Variants in SLC36A4 observed in about 807,000 individuals in gnomAD.
SLC36A4 encodes the protein solute carrier family 36 member 4.
Under a neutral mutation model 50.5 loss-of-function variants are expected in SLC36A4, and 49 were observed. The observed-to-expected ratio is 0.97, with a 90% CI of 0.77 to 1.23. The LOEUF (loss-of-function observed/expected upper bound fraction) is 1.23. Ranked by LOEUF, SLC36A4 falls within the 50% of genes most tolerant of loss-of-function variation. The pLI is 0.00. For missense variants in SLC36A4, 611 were observed against 608.4 expected, an observed-to-expected ratio of 1.00 and a Z score of -0.05; for synonymous variants, 207 against 206.5, an observed-to-expected ratio of 1.00 and a Z score of -0.02.
intron 9 of SLC36A4, among the ~76,000 whole-genome samples, chr11:93,159,367 C>A (rs1860517435): frequency 6.6e-6 from 1 of 152,126 alleles, no homozygotes; most frequent in Admixed American, 6.6e-5. Flanking sequence ...AGTCAACCTT[C>A]AGGTATGAAT....
chr11:93,183,321 C>A (rs926359255), intron 3 of SLC36A4, among the ~76,000 whole-genome samples: 1 of 152,122 alleles, frequency 6.6e-6, no homozygotes, highest in Admixed American at 6.5e-5. Context: ...TGGGTACTTA[C>A]TATGTGTCAG....
chr11:93,188,591 GT>G (rs1862086705), intron 1 of SLC36A4, among the ~76,000 whole-genome samples: 1 of 152,064 alleles, frequency 6.6e-6, no homozygotes, highest in South Asian at 2.1e-4. Context: ...TTGTTTTCCA[GT>G]TTCAAAGGTG....
At chr11:93,194,422 T>G (rs1862337978) in intron 1 of SLC36A4, among the ~76,000 whole-genome samples, 1 of 152,110 alleles carries the variant, frequency 6.6e-6, no homozygotes, top group African/African-American at 2.4e-5. Context: ...TTTTGTTCAT[T>G]TCTGAGGTGG....
intron 6 of SLC36A4, among the ~76,000 whole-genome samples, chr11:93,172,749 T>C (rs1861233857): frequency 7.7e-6 from 1 of 130,140 alleles, no homozygotes; most frequent in African/African-American, 2.9e-5. Flanking sequence ...TCCAATTTCA[T>C]CCATGTCCCT....
intron 1 of SLC36A4, among the ~76,000 whole-genome samples, chr11:93,188,547 C>G (rs1243249705): frequency 6.6e-6 from 1 of 152,146 alleles, no homozygotes; most frequent in African/African-American, 2.4e-5. Context: ...TTAGGACATT[C>G]TCCATACATT....
At chr11:93,174,146 T>C (rs1565228703) in intron 6 of SLC36A4, among the ~76,000 whole-genome samples, 1 of 150,340 alleles carries the variant, frequency 6.7e-6, no homozygotes, top group African/African-American at 2.4e-5. Flanking sequence ...GTAGTTCTCC[T>C]TGAAGAGGTC....
chr11:93,172,632 T>TC (rs1313860906), intron 6 of SLC36A4, among the ~76,000 whole-genome samples: 1 of 147,414 alleles, frequency 6.8e-6, no homozygotes, highest in Non-Finnish European at 1.5e-5. Flanking sequence ...AGTGTGATAT[T>TC]CCCCTTCCTG....
intron 6 of SLC36A4, among the ~76,000 whole-genome samples, chr11:93,179,326 G>C (rs1196573020): frequency 6.6e-6 from 1 of 152,184 alleles, no homozygotes; most frequent in Non-Finnish European, 1.5e-5. Flanking sequence ...GAACACAAGA[G>C]ATATGGGAGT....
intron 1 of SLC36A4, chr11:93,192,948 T>C (rs1184864640): frequency 6.5e-6 from 1 of 154,996 alleles, no homozygotes; most frequent in African/African-American, 2.4e-5. Context: ...GAAGTTATTA[T>C]ATATATTACA....
chr11:93,153,394 T>C (rs760898154), intron 10 of SLC36A4, among the ~76,000 whole-genome samples: 7 of 152,020 alleles, frequency 4.6e-5, no homozygotes, highest in Non-Finnish European at 8.8e-5. Context: ...TCTAACCCCA[T>C]CAAAATGCCA....
chr11:93,159,987 T>G, intron 9 of SLC36A4: 1 of 985,438 alleles, frequency 1.0e-6, no homozygotes, highest in Non-Finnish European at 1.2e-6. Flanking sequence ...TAGAGTACAC[T>G]GCACAATCTC....
At chr11:93,186,397 C>T (rs1861983127) in intron 1 of SLC36A4, among the ~76,000 whole-genome samples, 1 of 152,068 alleles carries the variant, frequency 6.6e-6, no homozygotes. Context: ...TCAGTTATAC[C>T]AATAAATTCC....
chr11:93,172,032 C>A (rs941694599), intron 6 of SLC36A4: 2 of 152,068 alleles, frequency 1.3e-5, no homozygotes, highest in African/African-American at 4.8e-5. Flanking sequence ...TATGAGGGAA[C>A]ACCTGTGTCT....
intron 8 of SLC36A4, among the ~76,000 whole-genome samples, chr11:93,164,225 TA>T: frequency 6.6e-6 from 1 of 152,306 alleles, no homozygotes. Flanking sequence ...CACATACGTG[TA>T]ACTGGTTTTA....
At chr11:93,157,666 C>T (rs1590936449) in intron 9 of SLC36A4, among the ~76,000 whole-genome samples, 1 of 152,138 alleles carries the variant, frequency 6.6e-6, no homozygotes, top group Non-Finnish European at 1.5e-5. Context: ...TGGCTCTCAG[C>T]TTGACTGTTA....
At chr11:93,173,539 G>A (rs565583041) in intron 6 of SLC36A4, among the ~76,000 whole-genome samples, 3 of 147,646 alleles carry the variant, frequency 2.0e-5, no homozygotes, top group East Asian at 4.0e-4. Context: ...TGTCCTGAAC[G>A]GTAATGCCTA....
intron 3 of SLC36A4, among the ~76,000 whole-genome samples, chr11:93,183,280 G>A (rs1490800062): frequency 1.3e-5 from 2 of 152,130 alleles, no homozygotes; most frequent in Non-Finnish European, 1.5e-5. Context: ...CGGAGACTGT[G>A]AGCAATTTAT....
At position 93,181,756 on chromosome 11, in the gene SLC36A4, G is replaced by C; in HGVS notation, c.390C>G (p.Asp130Glu). ...TCACTTCCATAGCAAAGCTCACAGT[G>C]TCACTATAACCTAATGTTGACTTTT... is the stretch of plus-strand genomic sequence containing the variant. Reference protein sequence around the residue: ...RFKKSTLGYSDTVSFAMEVSP... With the variant: ...RFKKSTLGYSETVSFAMEVSP... Residue 130 changes from aspartate to glutamate, a missense_variant, in exon 5 of 11, where the codon GAC becomes GAG. Asp to Glu is a conservative substitution (Grantham distance 45). Coordinates refer to ENST00000326402, the MANE Select transcript of SLC36A4 (RefSeq NM_152313.4). 1 of 1,555,102 alleles carries C rather than the reference G, an allele frequency of 6.4e-7. No homozygotes were observed. Among genetic ancestry groups the C allele is most frequent in the South Asian group, 1.2e-5 (1 of 84,008 alleles).
intron 9 of SLC36A4, among the ~76,000 whole-genome samples, chr11:93,155,844 A>T (rs1191139973): frequency 6.6e-6 from 1 of 152,006 alleles, no homozygotes; most frequent in Admixed American, 6.6e-5. Context: ...TTCTGTTCCC[A>T]TGTTAGTTTG....
Sources: allele counts gnomAD v4.1 joint callset (sites outside exome capture counted in the v4.1 genomes callset), GRCh38; gene constraint gnomAD v4.1.1; transcripts MANE v1.5; gene names NCBI Gene and HGNC (gene_info 2026-07-23, HGNC 2026-07-21).